Variants in MAP2 observed in about 807,000 individuals in gnomAD.
MAP2 encodes microtubule-associated protein 2.
In MAP2, 14 loss-of-function variants were observed where a neutral mutation model predicts 137.6. The observed-to-expected ratio is 0.10, with a 90% CI of 0.07 to 0.16. MAP2 has a LOEUF of 0.16. MAP2 is among the 10% of genes least tolerant of loss of function. The pLI is 1.00. For synonymous variants in MAP2, 786 were observed against 782.3 expected (o/e 1.00, Z -0.08); for missense variants, 2,088 against 2,191.5 (o/e 0.95, Z 0.94).
intron 2 of MAP2, among the ~76,000 whole-genome samples, chr2:209,515,834 T>C (rs1447949471): frequency 6.6e-6 from 1 of 152,158 alleles, no homozygotes; most frequent in African/African-American, 2.4e-5. Flanking sequence ...TCACCCAGGC[T>C]AAAGTACAGT....
At chr2:209,558,381 G>T (rs892145100) in intron 2 of MAP2, among the ~76,000 whole-genome samples, 2 of 151,930 alleles carry the variant, frequency 1.3e-5, no homozygotes, top group Non-Finnish European at 2.9e-5. Context: ...TAGAGACAGG[G>T]TTTCGCCATG....
At chr2:209,672,289 AG>A (rs746223143) in intron 5 of MAP2, among the ~76,000 whole-genome samples, 9 of 151,986 alleles carry the variant, frequency 5.9e-5, no homozygotes, top group East Asian at 5.8e-4. Flanking sequence ...CATTTCAGCA[AG>A]GAGGTACTCA....
intron 5 of MAP2, among the ~76,000 whole-genome samples, chr2:209,663,859 G>A (rs946800270): frequency 2.6e-5 from 4 of 152,172 alleles, no homozygotes; most frequent in South Asian, 2.1e-4. Flanking sequence ...TGCATTTGCC[G>A]AATGTAAATG....
At chr2:209,446,753 CAAT>C (rs1465332592) in intron 1 of MAP2, among the ~76,000 whole-genome samples, 1 of 151,604 alleles carries the variant, frequency 6.6e-6, no homozygotes, top group African/African-American at 2.4e-5. Context: ...ATTGTGAAAC[CAAT>C]AATAGTAGGA....
chr2:209,435,755 A>C (rs1377464087), intron 1 of MAP2, among the ~76,000 whole-genome samples: 1 of 150,974 alleles, frequency 6.6e-6, no homozygotes, highest in Non-Finnish European at 1.5e-5. Context: ...TTCTTTGGAA[A>C]TTTTGGTTAC....
Position 209,733,489 on chromosome 2 carries a change from CA to C in MAP2, c.*3093del, listed in dbSNP as rs2076049968. The C allele has an allele frequency of 2.6e-5, 4 of 151,898 alleles. No individual in the cohort carries two copies. The South Asian group carries it at 8.3e-4, about 32-fold the overall frequency. 9.4% of individuals were successfully genotyped at this position (151,898 alleles called of 1,614,324 possible). On this transcript the variant is annotated 3_prime_UTR_variant, in exon 16 of 16. Transcript: ENST00000682079. ...ACACACACACACACACACACACACA[CA>C]CACCTACAGTAATACAGCAAGCGTG... is the stretch of plus-strand genomic sequence containing the variant.
At chr2:209,430,116 G>GC (rs1693850110) in intron 1 of MAP2, among the ~76,000 whole-genome samples, 1 of 149,964 alleles carries the variant, frequency 6.7e-6, no homozygotes, top group African/African-American at 2.5e-5. Flanking sequence ...TGAAAAACAA[G>GC]CAAAAAAGTT....
At chr2:209,602,137 A>C (rs2083196944) in intron 3 of MAP2, among the ~76,000 whole-genome samples, 3 of 152,212 alleles carry the variant, frequency 2.0e-5, no homozygotes, top group Admixed American at 2.0e-4. Context: ...ATCGACCAAT[A>C]TGCCTTAGTT....
chr2:209,690,967 G>A (rs2058689415), intron 7 of MAP2: 6 of 979,670 alleles, frequency 6.1e-6, no homozygotes, highest in Non-Finnish European at 6.7e-6. Flanking sequence ...ATGATAACAA[G>A]TCCACTGTTG....
At chr2:209,476,060 TA>T (rs1032973634) in intron 1 of MAP2, among the ~76,000 whole-genome samples, 1 of 150,886 alleles carries the variant, frequency 6.6e-6, no homozygotes, top group Non-Finnish European at 1.5e-5. Flanking sequence ...CTTCTCATCT[TA>T]AAAAAAAACA....
At chr2:209,641,714 A>G (rs1455955098) in intron 4 of MAP2, among the ~76,000 whole-genome samples, 1 of 152,020 alleles carries the variant, frequency 6.6e-6, no homozygotes, top group African/African-American at 2.4e-5. Flanking sequence ...AAAAGAAAAA[A>G]AAATTACTGG....
chr2:209,525,846 T>C lies in MAP2; in HGVS notation c.-172+18205T>C, dbSNP rs115746339. On this transcript the variant is annotated intron_variant, in intron 2 of 15. Transcript: ENST00000682079. ...TTCTTTAGAATTTCTCTTTTTCTCC[T>C]AAGAAAGTCTGGGGAAAAAACTCTT... is the stretch of plus-strand genomic sequence containing the variant. 9.8e-3 allele frequency among the ~76,000 whole-genome samples: 1,490 copies of C among 152,272 alleles called. 4 individuals are homozygous for C. The highest frequency in any genetic ancestry group is 0.014 in the Non-Finnish European group (948 of 68,012).
At chr2:209,497,587 T>C (rs1378759971) in intron 1 of MAP2, among the ~76,000 whole-genome samples, 1 of 152,206 alleles carries the variant, frequency 6.6e-6, no homozygotes, top group African/African-American at 2.4e-5. Flanking sequence ...TTCTGCGGGC[T>C]ATACAGGAAA....
At chr2:209,562,230 A>T (rs1031721537) in intron 2 of MAP2, among the ~76,000 whole-genome samples, 7 of 152,176 alleles carry the variant, frequency 4.6e-5, no homozygotes, top group African/African-American at 1.7e-4. Flanking sequence ...GTGATTCTGG[A>T]TATTATACTT....
At chr2:209,518,702 C>T (rs1295954438) in intron 2 of MAP2, among the ~76,000 whole-genome samples, 1 of 151,948 alleles carries the variant, frequency 6.6e-6, no homozygotes, top group African/African-American at 2.4e-5. Context: ...TCTTCATGCA[C>T]ACAGAATAGT....
intron 5 of MAP2, among the ~76,000 whole-genome samples, chr2:209,665,026 G>A (rs1435231918): frequency 6.7e-6 from 1 of 149,844 alleles, no homozygotes; most frequent in Non-Finnish European, 1.5e-5. Flanking sequence ...GAATGAAGAG[G>A]TAATCAAGAA....
intron 11 of MAP2, chr2:209,703,980 T>C (rs1204778986): frequency 2.2e-6 from 1 of 455,660 alleles, no homozygotes; most frequent in Non-Finnish European, 4.4e-6. Flanking sequence ...ATTTTATTTT[T>C]AATCAGGGTG....
rs751020957 is a variant in MAP2, at chr2:209,730,406, C to T, written c.*9C>T. The T allele has an allele frequency of 1.2e-6, 2 of 1,600,892 alleles. No homozygotes were observed. Among genetic ancestry groups the T allele is most frequent in the East Asian group, 2.2e-5 (1 of 44,758 alleles). On this transcript the variant is annotated 3_prime_UTR_variant, in exon 16 of 16. Coordinates refer to ENST00000682079, the MANE Select transcript of MAP2 (RefSeq NM_001375505.1). ...CTAAGCAGGGCTTGTGAATATTTCT[C>T]ATTTAGCATTGAAATAATAATATTT...
At chr2:209,688,720 G>A (rs2057920769) in intron 7 of MAP2, among the ~76,000 whole-genome samples, 1 of 152,046 alleles carries the variant, frequency 6.6e-6, no homozygotes, top group African/African-American at 2.4e-5. Flanking sequence ...ATTCTAACTA[G>A]GTAGTTTTGG....
Sources: gnomAD v4.1 joint callset for allele counts (sites outside exome capture counted in the v4.1 genomes callset) on GRCh38, gnomAD v4.1.1 for gene constraint, MANE v1.5 for transcripts, NCBI Gene and HGNC (gene_info 2026-07-23, HGNC 2026-07-21) for gene names.